Variants in ZNF700 observed in about 807,000 individuals in gnomAD.
ZNF700 encodes zinc finger protein 700.
Under a neutral mutation model 65.3 loss-of-function variants are expected in ZNF700, and 38 were observed. The observed-to-expected ratio is 0.58, with a 90% CI of 0.45 to 0.76. ZNF700 has a LOEUF of 0.76. Among genes scored for constraint, ZNF700 ranks in the 30% least tolerant of loss-of-function variants. The pLI, the probability that ZNF700 is intolerant of heterozygous loss-of-function variation, is 0.00. For synonymous variants in ZNF700, 285 were observed against 290.4 expected, an observed-to-expected ratio of 0.98 and a Z score of 0.19; for missense variants, 857 against 888.4, an observed-to-expected ratio of 0.96 and a Z score of 0.45.
Position 11,949,255 on chromosome 19 carries a change from A to T in ZNF700, c.1231A>T (p.Ile411Phe). The stretch of plus-strand genomic sequence containing the variant: ...CAGTTCCTTTCGATATCATGAAAGG[A>T]TTCACACTGGAGAGAAACCCTATGA... ...LSSSFRYHER[I>F]HTGEKPYECK... is the part of the protein sequence containing the mutation. Residue 411 changes from isoleucine (I) to phenylalanine (F), a missense_variant, in exon 4 of 4, where the codon ATT becomes TTT. Ile to Phe is a conservative substitution (Grantham distance 21, BLOSUM62 0). Around this residue, in one of 3 missense-constraint regions of ZNF700, gnomAD observed 603 missense variants for 619.9 expected, o/e 0.97. Coordinates refer to ENST00000254321, the MANE Select transcript of ZNF700 (RefSeq NM_144566.3). The T allele has an allele frequency of 6.2e-7, 1 of 1,614,148 alleles. No homozygotes were observed. Among genetic ancestry groups the T allele is most frequent in the African/African-American group, 1.3e-5 (1 of 75,046 alleles).
rs761301188 is a variant in ZNF700, at chr19:11,948,368, A to G, written c.344A>G (p.Gln115Arg). The G allele has an allele frequency of 1.2e-6, 2 of 1,614,012 alleles. No homozygotes were observed. The highest frequency in any genetic ancestry group is 1.7e-6 in the Non-Finnish European group (2 of 1,179,878). Reference protein sequence around the residue: ...TQVPDDRLNFQEKKASPEVKS... With the variant: ...TQVPDDRLNFREKKASPEVKS... Reference sequence around the variant, plus strand: ...GTTCCAGATGACAGACTGAACTTCCAGGAGAAGAAAGCTTCTCCTGAAGTA... The same window carrying G: ...GTTCCAGATGACAGACTGAACTTCCGGGAGAAGAAAGCTTCTCCTGAAGTA... Residue 115 changes from glutamine (Q) to arginine (R), a missense_variant, in exon 4 of 4, where the codon CAG (glutamine) becomes CGG (arginine). Gln to Arg is a conservative substitution (Grantham distance 43). Transcript: ENST00000254321.
Position 11,948,421 on chromosome 19 carries a change from G to C in ZNF700, c.397G>C (p.Glu133Gln), listed in dbSNP as rs894903103. Residue 133 changes from glutamate to glutamine, a missense_variant, in exon 4 of 4, where the codon GAA (glutamate) becomes CAA (glutamine). Physicochemically the swap from Glu to Gln is conservative, Grantham distance 29. Around this residue, in one of 3 missense-constraint regions of ZNF700, gnomAD observed 603 missense variants for 619.9 expected, o/e 0.97. Coordinates refer to ENST00000254321, the MANE Select transcript of ZNF700 (RefSeq NM_144566.3). ...VKSCDSFVCA[E>Q]VGIGNSSFNM... ...ATCATGTGACAGCTTTGTGTGTGCA[G>C]AAGTTGGCATAGGTAACTCATCTTT... 2 of 1,614,176 alleles carry C rather than the reference G, an allele frequency of 1.2e-6. No individual in the cohort carries two copies. The highest frequency in any genetic ancestry group is 1.7e-6 in the Non-Finnish European group (2 of 1,180,018).
At chr19:11,928,246 A>G (rs1972661665) in intron 1 of ZNF700, among the ~76,000 whole-genome samples, 1 of 152,144 alleles carries the variant, frequency 6.6e-6, no homozygotes, top group African/African-American at 2.4e-5. Flanking sequence ...TTGGCCTCCA[A>G]AAGTGCTGGG....
intron 2 of ZNF700, 68 bp from the exon 3 acceptor site, chr19:11,947,446 A>T (rs1972977761): frequency 5.0e-6 from 8 of 1,601,238 alleles, no homozygotes; most frequent in Non-Finnish European, 6.8e-6. Context: ...AATCATGGGC[A>T]CAGAATCTAA....
At chr19:11,934,153 G>A (rs1226723723) in intron 1 of ZNF700, among the ~76,000 whole-genome samples, 3 of 147,866 alleles carry the variant, frequency 2.0e-5, no homozygotes, top group Non-Finnish European at 4.4e-5. Flanking sequence ...AGAACAGCCT[G>A]GTAGATACAG....
At position 11,950,107 on chromosome 19, in the gene ZNF700, G is replaced by T. The variant is rs759955450; in HGVS notation, c.2083G>T (p.Ala695Ser). 1.2e-6 allele frequency: 2 copies of T among 1,614,114 alleles called. No homozygotes were observed. The highest frequency in any genetic ancestry group is 1.7e-6 in the Non-Finnish European group (2 of 1,180,016). ...FTSAKILQIHARTHIGEKHYE... is the reference protein window; with the variant it reads ...FTSAKILQIHSRTHIGEKHYE... ...ATCTGCCAAGATTCTTCAAATACAT[G>T]CAAGAACACACATTGGAGAGAAACA... Residue 695 changes from alanine (A) to serine (S), a missense_variant, in exon 4 of 4, where the codon GCA (alanine) becomes TCA (serine). Ala to Ser is a moderately conservative substitution (Grantham distance 99). Coordinates refer to ENST00000254321, the MANE Select transcript of ZNF700 (RefSeq NM_144566.3).
intron 1 of ZNF700, among the ~76,000 whole-genome samples, chr19:11,944,007 A>G (rs1488505501): frequency 1.3e-5 from 2 of 148,810 alleles, no homozygotes; most frequent in Non-Finnish European, 3.0e-5. Flanking sequence ...GATTCCCTCT[A>G]CCTTCACGGT....
At chr19:11,948,203 G>C (rs1405168180) in intron 3 of ZNF700, 73 bp from the exon 4 acceptor site, 2 of 1,522,806 alleles carry the variant, frequency 1.3e-6, no homozygotes, top group East Asian at 2.3e-5. Flanking sequence ...AAAAATGCAA[G>C]TGCAATACTT....
rs78201704 is a variant in ZNF700, at chr19:11,949,812, A to G, written c.1788A>G (p.Gln596=). 6,092 of 1,607,368 alleles carry G rather than the reference A, an allele frequency of 3.8e-3. 131 individuals are homozygous for G. In the African/African-American group the frequency reaches 0.047, roughly 12 times the overall value. ...GAGAGAAACCCTATGAGTGTAAGCA[A>G]TGTGGGAAAGCCTTCAGTTGTGCCT... is the stretch of plus-strand genomic sequence containing the variant. The part of the protein sequence containing the change: ...HTGEKPYECK[Q]CGKAFSCASN... Residue 596 remains glutamine, a synonymous_variant, in exon 4 of 4, where the codon CAA becomes CAG. Coordinates refer to ENST00000254321, the MANE Select transcript of ZNF700 (RefSeq NM_144566.3).
Position 11,948,285 on chromosome 19 carries a change from A to G in ZNF700, c.261A>G (p.Ile87Met). 2.5e-6 allele frequency: 4 copies of G among 1,612,934 alleles called. No individual in the cohort carries two copies. The highest frequency in any genetic ancestry group is 1.1e-5 in the South Asian group (1 of 90,892). Residue 87 changes from isoleucine (I) to methionine (M), a missense_variant, in exon 4 of 4, where the codon ATA becomes ATG. Physicochemically the swap from Ile to Met is conservative, Grantham distance 10 (BLOSUM62 1). This residue lies in a region of ZNF700 where 603 missense variants were observed against 619.9 expected (regional missense o/e 0.97). Transcript: ENST00000254321. ...QNPRRSFRSL[I>M]EEKVNEIKED... ...TTCTCATGTTTTACAGGAGTCTCAT[A>G]GAAGAGAAAGTCAATGAAATTAAAG...
chr19:11,939,278 G>A (rs898303141), intron 1 of ZNF700, among the ~76,000 whole-genome samples: 1 of 152,202 alleles, frequency 6.6e-6, no homozygotes, highest in African/African-American at 2.4e-5. Context: ...TGCTTTTGGT[G>A]TTTTAGTGAT....
intron 3 of ZNF700, 75 bp downstream of exon 3, chr19:11,947,649 A>G: frequency 7.5e-7 from 1 of 1,330,566 alleles, no homozygotes; most frequent in Non-Finnish European, 1.1e-6. Context: ...GAAGAGAAGT[A>G]AAACAAAGAA....
intron 1 of ZNF700, among the ~76,000 whole-genome samples, chr19:11,943,175 C>G (rs1300784275): frequency 6.6e-6 from 1 of 152,160 alleles, no homozygotes; most frequent in Non-Finnish European, 1.5e-5. Context: ...TTTCCAAATA[C>G]AGATTTAGGA....
intron 1 of ZNF700, 102 bp downstream of exon 1, chr19:11,925,375 G>A (rs1397833049): frequency 6.1e-5 from 94 of 1,548,888 alleles, no homozygotes; most frequent in Non-Finnish European, 8.2e-5. Flanking sequence ...GGCGACTCCG[G>A]GGTCTGGGAC....
intron 1 of ZNF700, among the ~76,000 whole-genome samples, chr19:11,945,432 G>A (rs1599292034): frequency 6.6e-6 from 1 of 152,176 alleles, no homozygotes; most frequent in Non-Finnish European, 1.5e-5. Flanking sequence ...CCTGGCTTGG[G>A]AACAGGCAGG....
Position 11,948,437 on chromosome 19 carries a change from A to G in ZNF700, c.413A>G (p.Asn138Ser), listed in dbSNP as rs770530897. ...GTGTGTGCAGAAGTTGGCATAGGTA[A>G]CTCATCTTTTAATATGAGCATCAGA... ...SFVCAEVGIG[N>S]SSFNMSIRGD... is the part of the protein sequence containing the mutation. Residue 138 changes from asparagine to serine, a missense_variant, in exon 4 of 4, where the codon AAC (asparagine) becomes AGC (serine). Physicochemically the swap from Asn to Ser is conservative, Grantham distance 46. Transcript: ENST00000254321. The G allele has an allele frequency of 1.9e-6, 3 of 1,614,104 alleles. No individual in the cohort carries two copies. The highest frequency in any genetic ancestry group is 1.7e-6 in the Non-Finnish European group (2 of 1,180,008).
intron 1 of ZNF700, among the ~76,000 whole-genome samples, chr19:11,925,940 C>G (rs1024121540): frequency 6.6e-6 from 1 of 152,148 alleles, no homozygotes; most frequent in Admixed American, 6.5e-5. Flanking sequence ...AATGATGAAT[C>G]AGTGCCTGAA....
Position 11,942,385 on chromosome 19 carries a change from A to G in ZNF700, c.64-4796A>G, listed in dbSNP as rs141249697. Reference sequence around the variant, plus strand: ...GCCTATTAATTCATAGGACTCCGTTATGACAGGTGCTACAGACCCACAGTC... The same window carrying G: ...GCCTATTAATTCATAGGACTCCGTTGTGACAGGTGCTACAGACCCACAGTC... On this transcript the variant is annotated intron_variant, in intron 1 of 3. Coordinates refer to ENST00000254321, the MANE Select transcript of ZNF700 (RefSeq NM_144566.3). Among the ~76,000 whole-genome samples, 29 of 152,174 alleles carry G rather than the reference A, an allele frequency of 1.9e-4. No individual in the cohort carries two copies. In the East Asian group the frequency reaches 5.4e-3, roughly 28 times the overall value.
In ZNF700 at chr19:11,948,890, G is replaced by T; in HGVS notation, c.866G>T (p.Ser289Ile). Residue 289 changes from serine to isoleucine, a missense_variant, in exon 4 of 4, where the codon AGT becomes ATT. By Grantham distance (142) the Ser-to-Ile change is moderately radical (BLOSUM62 -2). This residue lies in a region of ZNF700 where 603 missense variants were observed against 619.9 expected (regional missense o/e 0.97). Transcript: ENST00000254321. ...AGCAAATGTGATAAAGCATTTCATA[G>T]TTCTAGTTCCTATCATAGACATGAA... The part of the protein sequence containing the change: ...ECSKCDKAFH[S>I]SSSYHRHERS... 8 of 1,604,088 alleles carry T rather than the reference G, an allele frequency of 5.0e-6. No homozygotes were observed. Among genetic ancestry groups the T allele is most frequent in the Non-Finnish European group, 6.8e-6 (8 of 1,177,888 alleles).
Sources: gnomAD v4.1 joint callset for allele counts (sites outside exome capture counted in the v4.1 genomes callset) on GRCh38, gnomAD v4.1.1 for gene constraint, gnomAD v4.1.1 regional missense constraint, MANE v1.5 for transcripts, NCBI Gene and HGNC (gene_info 2026-07-23, HGNC 2026-07-21) for gene names.